TDRD5: variants seen among roughly 807,000 people sequenced by gnomAD.
TDRD5 encodes tudor domain containing 5.
A neutral mutation model predicts 120.6 loss-of-function variants in TDRD5; 41 were observed. That is an observed-to-expected ratio of 0.34 (90% CI 0.26 to 0.44). The LOEUF is 0.44. TDRD5 is among the 20% of genes least tolerant of loss of function. The pLI, the probability that TDRD5 is intolerant of heterozygous loss-of-function variation, is 1.00. For missense variants in TDRD5, 1,006 were observed against 1,221.2 expected, an observed-to-expected ratio of 0.82 and a Z score of 2.63; for synonymous variants, 430 against 433.7, an observed-to-expected ratio of 0.99 and a Z score of 0.11.
rs144889305 is a variant in TDRD5, at chr1:179,681,142, A to G, written c.2861-9554A>G. On this transcript the variant is annotated intron_variant, in intron 17 of 17. Transcript: ENST00000444136. ...GCCCAGATTGGAACACATTGCTGCA[A>G]TCACCACTCATTGCAGGCTCAACCG... Among the ~76,000 whole-genome samples the G allele has an allele frequency of 2.7e-3, 417 of 152,242 alleles. 3 individuals carry two copies. Among genetic ancestry groups the G allele is most frequent in the African/African-American group, 9.5e-3 (393 of 41,538 alleles).
At position 179,630,895 on chromosome 1, in the gene TDRD5, T is replaced by C; in HGVS notation, c.1101T>C (p.Asp367=). 1 of 1,613,564 alleles carries C rather than the reference T, an allele frequency of 6.2e-7. No homozygotes were observed. The highest frequency in any genetic ancestry group is 2.2e-5 in the East Asian group (1 of 44,862). ...RKGHQDLLVF[D]ADKKPLPPVQ... ...GACACCAAGACTTACTAGTGTTTGA[T>C]GCGGATAAGAAGCCTCTACCACCTG... is the stretch of plus-strand genomic sequence containing the variant. Residue 367 remains aspartate (D), a synonymous_variant, in exon 7 of 18, where the codon GAT becomes GAC. Coordinates refer to ENST00000444136, the MANE Select transcript of TDRD5 (RefSeq NM_001199085.3).
At chr1:179,595,839 GATATAA>G in intron 4 of TDRD5, 21 bp downstream of exon 4, 1 of 1,580,570 alleles carries the variant, frequency 6.3e-7, no homozygotes, top group South Asian at 1.2e-5. Flanking sequence ...AGAATTTGGA[GATATAA>G]ATATACGATG....
intron 5 of TDRD5, 23 bp from the exon 6 acceptor site, chr1:179,621,012 G>A: frequency 6.4e-7 from 1 of 1,571,812 alleles, no homozygotes; most frequent in Non-Finnish European, 8.7e-7. Flanking sequence ...TGTCTATATT[G>A]TATTTCACTT....
At chr1:179,623,128 T>C (rs1265000813) in intron 6 of TDRD5, among the ~76,000 whole-genome samples, 1 of 152,172 alleles carries the variant, frequency 6.6e-6, no homozygotes, top group Non-Finnish European at 1.5e-5. Context: ...ACCCAATATT[T>C]TATATCCAGT....
intron 9 of TDRD5, among the ~76,000 whole-genome samples, chr1:179,637,783 A>G (rs1010662030): frequency 6.6e-6 from 1 of 152,204 alleles, no homozygotes; most frequent in Non-Finnish European, 1.5e-5. Context: ...TTGTGCTACA[A>G]GGATAAGTAA....
intron 8 of TDRD5, among the ~76,000 whole-genome samples, 179 bp downstream of exon 8, chr1:179,634,808 CT>C (rs1410892416): frequency 2.0e-5 from 3 of 152,204 alleles, no homozygotes; most frequent in Non-Finnish European, 1.5e-5. Context: ...GGTTTTCAGT[CT>C]TTTATATAAC....
rs1335220483 is a variant in TDRD5, at chr1:179,690,854, G to A, written c.3019G>A (p.Ala1007Thr). The change falls in exon 18 of 18, where the codon GCC (alanine) becomes ACC (threonine). Residue 1007 changes from alanine to threonine, a missense_variant. By Grantham distance (58) the Ala-to-Thr change is moderately conservative. Coordinates refer to ENST00000444136, the MANE Select transcript of TDRD5 (RefSeq NM_001199085.3). ...GAAGCTCTACATTCCTCGAAGTACAGCCACTGCTGCCTTAGGTGCTGCCGC... is the reference window on the plus strand; with the variant it reads ...GAAGCTCTACATTCCTCGAAGTACAACCACTGCTGCCTTAGGTGCTGCCGC... Reference protein sequence around the residue: ...SQKLYIPRSTATAALGAAARL... With the variant: ...SQKLYIPRSTTTAALGAAARL... The A allele has an allele frequency of 6.2e-7, 1 of 1,614,212 alleles. No homozygotes were observed. Among genetic ancestry groups the A allele is most frequent in the Middle Eastern group, 1.6e-4 (1 of 6,062 alleles).
chr1:179,630,995 T>C, intron 7 of TDRD5, 75 bp downstream of exon 7: 1 of 1,369,760 alleles, frequency 7.3e-7, no homozygotes, highest in Non-Finnish European at 9.9e-7. Context: ...CATGAAATAA[T>C]GCCTAGCCAT....
intron 6 of TDRD5, among the ~76,000 whole-genome samples, chr1:179,626,112 T>C (rs1246572423): frequency 6.6e-6 from 1 of 152,080 alleles, no homozygotes; most frequent in Admixed American, 6.6e-5. Flanking sequence ...TACCTAATGC[T>C]AGATGACGAG....
chr1:179,681,026 T>A (rs993367547), intron 17 of TDRD5, among the ~76,000 whole-genome samples: 1 of 152,192 alleles, frequency 6.6e-6, no homozygotes, highest in African/African-American at 2.4e-5. Context: ...ATTGTCAAGA[T>A]TGATAAAAAT....
intron 4 of TDRD5, among the ~76,000 whole-genome samples, chr1:179,616,805 C>G (rs1360623965): frequency 6.6e-6 from 1 of 152,182 alleles, no homozygotes; most frequent in East Asian, 1.9e-4. Context: ...CTGGCACTTA[C>G]AGCCTTAGGT....
intron 14 of TDRD5, among the ~76,000 whole-genome samples, chr1:179,655,352 C>G (rs781295182): frequency 4.6e-5 from 7 of 152,156 alleles, no homozygotes; most frequent in Non-Finnish European, 1.0e-4. Context: ...ATTACTGTGA[C>G]TATGTAAATG....
intron 11 of TDRD5, among the ~76,000 whole-genome samples, chr1:179,642,106 C>T (rs1176389613): frequency 2.1e-5 from 3 of 145,514 alleles, no homozygotes; most frequent in Non-Finnish European, 1.5e-5. Context: ...TTTTTCTTTT[C>T]TTTTTTTTTT....
chr1:179,633,695 T>G (rs1677591480), intron 7 of TDRD5, among the ~76,000 whole-genome samples: 1 of 151,964 alleles, frequency 6.6e-6, no homozygotes, highest in East Asian at 1.9e-4. Context: ...ATCATACACA[T>G]GTAAATTTGA....
intron 6 of TDRD5, among the ~76,000 whole-genome samples, chr1:179,629,681 A>G (rs949401159): frequency 3.3e-5 from 5 of 152,220 alleles, no homozygotes; most frequent in African/African-American, 1.2e-4. Context: ...TTTCACTTTT[A>G]ACCCTTTGGA....
chr1:179,645,111 A>T (rs1217747361), intron 11 of TDRD5, among the ~76,000 whole-genome samples: 1 of 108,306 alleles, frequency 9.2e-6, no homozygotes, highest in East Asian at 2.8e-4. Flanking sequence ...TTTGAGACGG[A>T]GTCTCGCTCT....
intron 5 of TDRD5, among the ~76,000 whole-genome samples, 161 bp downstream of exon 5, chr1:179,618,843 T>C (rs1558383186): frequency 6.6e-6 from 1 of 152,148 alleles, no homozygotes; most frequent in African/African-American, 2.4e-5. Flanking sequence ...ACAAAATACG[T>C]ACTCCTAAAA....
intron 4 of TDRD5, among the ~76,000 whole-genome samples, chr1:179,601,813 C>A (rs991757616): frequency 1.3e-5 from 2 of 152,158 alleles, no homozygotes; most frequent in Non-Finnish European, 2.9e-5. Flanking sequence ...GTTCTACTTT[C>A]AGTTCCTTTT....
At chr1:179,635,588 T>C in intron 8 of TDRD5, 79 bp from the exon 9 acceptor site, 2 of 1,285,680 alleles carry the variant, frequency 1.6e-6, no homozygotes, top group South Asian at 1.4e-5. Flanking sequence ...AGGTGATTCA[T>C]GAAATGTGCT....
Sources: allele counts gnomAD v4.1 joint callset (sites outside exome capture counted in the v4.1 genomes callset), GRCh38; gene constraint gnomAD v4.1.1; transcripts MANE v1.5; gene names NCBI Gene and HGNC (gene_info 2026-07-23, HGNC 2026-07-21).